Variants in SHROOM1 observed in about 807,000 individuals in gnomAD.
SHROOM1 encodes the protein shroom family member 1.
SHROOM1 carries 53 observed loss-of-function variants against 64.2 expected under a neutral mutation model. That is an observed-to-expected ratio of 0.83 (90% confidence interval 0.66 to 1.04). The LOEUF (loss-of-function observed/expected upper bound fraction) is 1.04. SHROOM1 is among the 50% of genes least tolerant of loss of function. The pLI is 0.00. For synonymous variants in SHROOM1, 490 were observed against 518.9 expected (o/e 0.94, Z 0.76); for missense variants, 1,179 against 1,163.2 (o/e 1.01, Z -0.20).
rs1204422762 is a variant in SHROOM1, at chr5:132,824,999, A to G, written c.1034+19T>C. ...GCTGCTTCCCCCCAACTTGGTCCAG[A>G]GTGGTCCGTGTCTCTCACCTGGAAA... On this transcript the variant is annotated intron_variant, in intron 5 of 9. Coordinates refer to ENST00000378679, the MANE Select transcript of SHROOM1 (RefSeq NM_001172700.2). The G allele has an allele frequency of 1.2e-6, 2 of 1,613,716 alleles. No homozygotes were observed. The highest frequency in any genetic ancestry group is 3.3e-5 in the Admixed American group (2 of 59,968).
intron 1 of SHROOM1, chr5:132,829,643 G>T: frequency 4.1e-6 from 4 of 985,404 alleles, no homozygotes; most frequent in Non-Finnish European, 4.8e-6. Context: ...CTGTGGAGGG[G>T]CTATCCAGGC....
Position 132,823,695 on chromosome 5 carries a change from G to T in SHROOM1, c.1881C>A (p.Ala627=), listed in dbSNP as rs1432088002. The T allele has an allele frequency of 3.7e-6, 6 of 1,612,382 alleles. No homozygotes were observed. The highest frequency in any genetic ancestry group is 1.3e-5 in the African/African-American group (1 of 75,020). Residue 627 remains alanine (A), a synonymous_variant, in exon 8 of 10, where the codon GCC becomes GCA. Coordinates refer to ENST00000378679, the MANE Select transcript of SHROOM1 (RefSeq NM_001172700.2). The surrounding 1 kb of genome is among the most constrained non-coding windows in gnomAD (Gnocchi z 4.6). The part of the protein sequence containing the change: ...PREETRLENP[A]THPVLDQPCG... ...ATGGCTGGTCAAGCACAGGGTGGGT[G>T]GCAGGGTTTTCAAGCCTTGTCTCCT...
chr5:132,830,002 G>A lies in SHROOM1; in HGVS notation c.-501+592C>T, dbSNP rs1758800708. The A allele has an allele frequency of 1.0e-6, 1 of 985,446 alleles. No homozygotes were observed. The allele number at this position is 985,446 out of a possible 1,614,324, so 61.0% of individuals were successfully genotyped here. A position where few individuals can be genotyped will look rare whatever the true frequency, so the allele number is the denominator to read the frequency against. On this transcript the variant is annotated intron_variant, in intron 1 of 9. Transcript: ENST00000378679. This position sits in a 1 kb window ranked among gnomAD's most constrained non-coding sequence, Gnocchi z 5.9. ...AAGCTGGCGACACCCGGGGAGAGGC[G>A]GCCGCGGGCGTGGACAGACCCGGTT...
rs1364682352 is a variant in SHROOM1 at position 132,823,513 on chromosome 5, C to G, written c.1963G>C (p.Ala655Pro). ...TGAAGCATCTTTTGGAGGCGGGCGG[C>G]CAGCTCCACCTACAGGGAAGGCTCA... Reference protein sequence around the residue: ...NSIQGKKVELAARLQKMLQDL... With the variant: ...NSIQGKKVELPARLQKMLQDL... Residue 655 changes from alanine to proline, a missense_variant, in exon 9 of 10, where the codon GCC (alanine) becomes CCC (proline). Ala to Pro is a conservative substitution (Grantham distance 27). Coordinates refer to ENST00000378679, the MANE Select transcript of SHROOM1 (RefSeq NM_001172700.2). The surrounding 1 kb of genome is among the most constrained non-coding windows in gnomAD (Gnocchi z 4.6). The G allele has an allele frequency of 6.2e-7, 1 of 1,600,008 alleles. No homozygotes were observed. The highest frequency in any genetic ancestry group is 8.5e-7 in the Non-Finnish European group (1 of 1,169,684).
chr5:132,824,044 A>C lies in SHROOM1; in HGVS notation c.1617T>G (p.Ser539Arg). Residue 539 changes from serine to arginine, a missense_variant, in exon 7 of 10, where the codon AGT becomes AGG. Transcript: ENST00000378679. Reference protein sequence around the residue: ...GQPGSRPTWPSQCLEELVQEL... With the variant: ...GQPGSRPTWPRQCLEELVQEL... ...CCTGAACCAGCTCCTCGAGGCACTG[A>C]CTAGGCCATGTGGGCCTGGAACCAG... 4 of 1,610,976 alleles carry C rather than the reference A, an allele frequency of 2.5e-6. No homozygotes were observed. The highest frequency in any genetic ancestry group is 3.4e-6 in the Non-Finnish European group (4 of 1,178,270).
chr5:132,824,667 C>G lies in SHROOM1; in HGVS notation c.1189G>C (p.Val397Leu), dbSNP rs758285045. The change falls in exon 6 of 10, where the codon GTC becomes CTC. Residue 397 changes from valine to leucine, a missense_variant. Physicochemically the swap from Val to Leu is conservative, Grantham distance 32. Coordinates refer to ENST00000378679, the MANE Select transcript of SHROOM1 (RefSeq NM_001172700.2). Reference sequence around the variant, plus strand: ...GGGTCTGGTGGTGATCTCATTCTGACCAGTGGGGCCTCTTCTAGGAACACT... The same window carrying G: ...GGGTCTGGTGGTGATCTCATTCTGAGCAGTGGGGCCTCTTCTAGGAACACT... Reference protein sequence around the residue: ...DEVFLEEAPLVRMRSPPDPHA... With the variant: ...DEVFLEEAPLLRMRSPPDPHA... 3.7e-6 allele frequency: 6 copies of G among 1,613,800 alleles called. No homozygotes were observed. In the East Asian group the frequency reaches 1.3e-4, roughly 36 times the overall value.
chr5:132,822,930 G>A lies in SHROOM1; in HGVS notation c.2425C>T (p.Arg809Cys), dbSNP rs1446461073. The A allele has an allele frequency of 1.2e-6, 2 of 1,612,894 alleles. No individual in the cohort carries two copies. Among genetic ancestry groups the A allele is most frequent in the East Asian group, 2.2e-5 (1 of 44,874 alleles). ...VLAQQRNLDE[R>C]IRLLQDQLDA... ...AGTTGGTCCTGAAGGAGGCGGATGCGCTCGTCCAGGTTGCGCTGCTGGGCC... is the reference window on the plus strand; with the variant it reads ...AGTTGGTCCTGAAGGAGGCGGATGCACTCGTCCAGGTTGCGCTGCTGGGCC... The change falls in exon 10 of 10, where the codon CGC becomes TGC. Residue 809 changes from arginine to cysteine, a missense_variant. Physicochemically the swap from Arg to Cys is radical, Grantham distance 180 (BLOSUM62 -3). Transcript: ENST00000378679.
rs757299349 is a variant in SHROOM1, at chr5:132,823,821, G to C, written c.1811+29C>G. On this transcript the variant is annotated intron_variant, in intron 7 of 9. Coordinates refer to ENST00000378679, the MANE Select transcript of SHROOM1 (RefSeq NM_001172700.2). The surrounding 1 kb of genome is among the most constrained non-coding windows in gnomAD (Gnocchi z 4.6). ...CTGTCCCCAACTTCAGGGGCTCAGT[G>C]TCCAGATTCCCTAGTACACCTCACT... is the stretch of plus-strand genomic sequence containing the variant. The C allele has an allele frequency of 2.2e-5, 34 of 1,529,708 alleles. No homozygotes were observed. The highest frequency in any genetic ancestry group is 6.3e-5 in the Admixed American group (3 of 47,738). The allele number at this position is 1,529,708 out of a possible 1,614,324, so 94.8% of individuals were successfully genotyped here.
In SHROOM1 at chr5:132,825,092, G is replaced by A. The variant is rs982056384; in HGVS notation, c.979-19C>T. 1.2e-6 allele frequency: 2 copies of A among 1,614,064 alleles called. No homozygotes were observed. The highest frequency in any genetic ancestry group is 1.3e-5 in the African/African-American group (1 of 75,018). ...GAACAGCCTGGAAGGGTGAACAGTCGACTGAAATGTGGCTCAAGTTTTGTT... is the reference window on the plus strand; with the variant it reads ...GAACAGCCTGGAAGGGTGAACAGTCAACTGAAATGTGGCTCAAGTTTTGTT... On this transcript the variant is annotated intron_variant, in intron 4 of 9. Transcript: ENST00000378679. The surrounding 1 kb of genome is among the most constrained non-coding windows in gnomAD (Gnocchi z 5.1).
In SHROOM1 at chr5:132,823,315, T is replaced by C. The variant is rs1227134503; in HGVS notation, c.2161A>G (p.Ser721Gly). The C allele has an allele frequency of 6.2e-7, 1 of 1,603,510 alleles. No individual in the cohort carries two copies. Among genetic ancestry groups the C allele is most frequent in the Non-Finnish European group, 8.5e-7 (1 of 1,179,330 alleles). Reference sequence around the variant, plus strand: ...GCGCGGCGCACGCGCGCCAGGCGACTGCCCAGCAGCAGCAGAAGGCCAAGC... The same window carrying C: ...GCGCGGCGCACGCGCGCCAGGCGACCGCCCAGCAGCAGCAGAAGGCCAAGC... ...RVLGLLLLLG[S>G]RLARVRRALA... is the part of the protein sequence containing the mutation. The change falls in exon 9 of 10, where the codon AGT becomes GGT. Residue 721 changes from serine (S) to glycine (G), a missense_variant. Ser to Gly is a moderately conservative substitution (Grantham distance 56). Coordinates refer to ENST00000378679, the MANE Select transcript of SHROOM1 (RefSeq NM_001172700.2). The surrounding 1 kb of genome is among the most constrained non-coding windows in gnomAD (Gnocchi z 4.6).
chr5:132,824,340 G>A lies in SHROOM1; in HGVS notation c.1321C>T (p.Leu441Phe). The A allele has an allele frequency of 1.2e-6, 2 of 1,609,300 alleles. No individual in the cohort carries two copies. Among genetic ancestry groups the A allele is most frequent in the East Asian group, 2.2e-5 (1 of 44,876 alleles). ...GQVTVPTEYP[L>F]HECPGTAGAD... Reference sequence around the variant, plus strand: ...CCTGCAGTTCCTGGACACTCATGGAGCGGGTACTCTGTGGGGACTGTAACC... The same window carrying A: ...CCTGCAGTTCCTGGACACTCATGGAACGGGTACTCTGTGGGGACTGTAACC... Residue 441 changes from leucine (L) to phenylalanine (F), a missense_variant, in exon 7 of 10, where the codon CTC becomes TTC. Physicochemically the swap from Leu to Phe is conservative, Grantham distance 22. Coordinates refer to ENST00000378679, the MANE Select transcript of SHROOM1 (RefSeq NM_001172700.2).
Position 132,823,117 on chromosome 5 carries a change from C to T in SHROOM1, c.2238G>A (p.Leu746=), listed in dbSNP as rs972298273. 2.5e-6 allele frequency: 4 copies of T among 1,569,364 alleles called. No individual in the cohort carries two copies. Among genetic ancestry groups the T allele is most frequent in the Non-Finnish European group, 3.4e-6 (4 of 1,164,740 alleles). Residue 746 remains leucine, a synonymous_variant, in exon 10 of 10, where the codon CTG becomes CTA. Transcript: ENST00000378679. The surrounding 1 kb of genome is among the most constrained non-coding windows in gnomAD (Gnocchi z 4.6). The part of the protein sequence containing the change: ...DSDPDEQASL[L]QRLRLLQRQE... The stretch of plus-strand genomic sequence containing the variant: ...GCCGCTGCAGGAGCCGGAGTCGCTG[C>T]AGCAGGGAGGCCTTGAGCCGCAGGA...
At position 132,830,494 on chromosome 5, in the gene SHROOM1, GCCGCCCGCTCTTCACCCCCGT is replaced by G. The variant is rs1758811507; in HGVS notation, c.-501+79_-501+99del. 1 of 984,836 alleles carries G rather than the reference GCCGCCCGCTCTTCACCCCCGT, an allele frequency of 1.0e-6. No individual in the cohort carries two copies. The highest frequency in any genetic ancestry group is 1.2e-6 in the Non-Finnish European group (1 of 829,744). 61.0% of individuals were successfully genotyped at this position (984,836 alleles called of 1,614,324 possible). On this transcript the variant is annotated intron_variant, in intron 1 of 9. Coordinates refer to ENST00000378679, the MANE Select transcript of SHROOM1 (RefSeq NM_001172700.2). This position sits in a 1 kb window ranked among gnomAD's most constrained non-coding sequence, Gnocchi z 5.9. ...CGGGCTGCCCCGCGACCACCGCCTC[GCCGCCCGCTCTTCACCCCCGT>G]CCGCCCGCAGCCCCGCCGGCCTCCC...
chr5:132,822,431 T>A lies in SHROOM1; in HGVS notation c.*365A>T. 6.8e-6 allele frequency: 1 copy of A among 146,398 alleles called. No individual in the cohort carries two copies. Among genetic ancestry groups the A allele is most frequent in the Non-Finnish European group, 1.4e-5 (1 of 72,268 alleles). The allele number at this position is 146,398 out of a possible 1,614,324, so 9.1% of individuals were successfully genotyped here. On this transcript the variant is annotated 3_prime_UTR_variant, in exon 10 of 10. Coordinates refer to ENST00000378679, the MANE Select transcript of SHROOM1 (RefSeq NM_001172700.2). ...CAGGCTGGAGTGCAGTGGCGCGATGTCCGCTCACTGCAAGCTCCACCTCCC... is the reference window on the plus strand; with the variant it reads ...CAGGCTGGAGTGCAGTGGCGCGATGACCGCTCACTGCAAGCTCCACCTCCC...
intron 1 of SHROOM1, chr5:132,829,607 T>C (rs2150034419): frequency 2.0e-6 from 2 of 985,366 alleles, no homozygotes; most frequent in South Asian, 4.7e-5. Context: ...CATACCTCCC[T>C]CAAGGCCACC....
chr5:132,822,959 A>G lies in SHROOM1; in HGVS notation c.2396T>C (p.Val799Ala), dbSNP rs1278295484. 1 of 1,611,056 alleles carries G rather than the reference A, an allele frequency of 6.2e-7. No homozygotes were observed. The highest frequency in any genetic ancestry group is 8.5e-7 in the Non-Finnish European group (1 of 1,179,834). The change falls in exon 10 of 10, where the codon GTC (valine) becomes GCC (alanine). Residue 799 changes from valine (V) to alanine (A), a missense_variant. Val to Ala is a moderately conservative substitution (Grantham distance 64). Transcript: ENST00000378679. ...YCALLAGKAA[V>A]LAQQRNLDER... ...GTCCAGGTTGCGCTGCTGGGCCAGG[A>G]CGGCGGCCTTGCCCGCCAGCAGGGC...
At position 132,825,968 on chromosome 5, in the gene SHROOM1, A is replaced by G. The variant is rs375473083; in HGVS notation, c.173T>C (p.Leu58Pro). The change falls in exon 4 of 10, where the codon CTA becomes CCA. Residue 58 changes from leucine (L) to proline (P), a missense_variant. Leu to Pro is a moderately conservative substitution (Grantham distance 98). Transcript: ENST00000378679. This position sits in a 1 kb window ranked among gnomAD's most constrained non-coding sequence, Gnocchi z 5.1. ...AACCACACGCACGTAGTCCCAGTCT[A>G]GGTAAGGAAGGAGGTCTGTCCCCGG... ...QSPGTDLLPY[L>P]DWDYVRVVWG... 4.7e-6 allele frequency: 7 copies of G among 1,492,674 alleles called. No homozygotes were observed. The highest frequency in any genetic ancestry group is 6.2e-6 in the Non-Finnish European group (7 of 1,120,054). 92.5% of individuals were successfully genotyped at this position (1,492,674 alleles called of 1,614,324 possible). A position where few individuals can be genotyped will look rare whatever the true frequency, so the allele number is the denominator to read the frequency against.
rs1375058210 is a variant in SHROOM1 at position 132,830,573 on chromosome 5, TCCCCCG to T, written c.-501+15_-501+20del. 3.1e-6 allele frequency: 3 copies of T among 981,714 alleles called. No individual in the cohort carries two copies. The highest frequency in any genetic ancestry group is 4.7e-5 in the South Asian group (1 of 21,492). 60.8% of individuals were successfully genotyped at this position (981,714 alleles called of 1,614,324 possible). ...GCGGACCCAGCCGCCCGCTTCCCGC[TCCCCCG>T]CCCCCGCCGCGTACCTGAGGCTCCC... On this transcript the variant is annotated intron_variant, in intron 1 of 9. Transcript: ENST00000378679. The surrounding 1 kb of genome is among the most constrained non-coding windows in gnomAD (Gnocchi z 5.9).
In SHROOM1 at chr5:132,823,080, C is replaced by A; in HGVS notation, c.2275G>T (p.Ala759Ser). ...GCTACGTGCTCCTTCAGCTCCTTGG[C>A]GTCCTCCTCCTGCCGCTGCAGGAGC... is the stretch of plus-strand genomic sequence containing the variant. ...LRLLQRQEEDAKELKEHVARR... is the reference protein window; with the variant it reads ...LRLLQRQEEDSKELKEHVARR... Residue 759 changes from alanine (A) to serine (S), a missense_variant, in exon 10 of 10, where the codon GCC becomes TCC. Physicochemically the swap from Ala to Ser is moderately conservative, Grantham distance 99. Transcript: ENST00000378679. The surrounding 1 kb of genome is among the most constrained non-coding windows in gnomAD (Gnocchi z 4.6). 2 of 1,587,996 alleles carry A rather than the reference C, an allele frequency of 1.3e-6. No homozygotes were observed. The highest frequency in any genetic ancestry group is 1.1e-5 in the South Asian group (1 of 89,872).
Sources: gnomAD v4.1 joint callset for allele counts on GRCh38, gnomAD v4.1.1 for gene constraint, Gnocchi (gnomAD v3.1) non-coding constraint, MANE v1.5 for transcripts, NCBI Gene and HGNC (gene_info 2026-07-23, HGNC 2026-07-21) for gene names.